The following ESCO1 variants were observed in gnomAD, a reference collection of about 807,000 sequenced individuals.
The protein encoded by ESCO1 is N-acetyltransferase ESCO1.
Under a neutral mutation model 83.5 loss-of-function variants are expected in ESCO1, and 33 were observed. The ratio of observed to expected loss-of-function variants is 0.40; its 90% CI spans 0.30 to 0.53. The LOEUF (loss-of-function observed/expected upper bound fraction) is 0.53. Ranked by LOEUF, ESCO1 falls within the 20% of genes least tolerant of loss-of-function variation. ESCO1 has a pLI of 0.63. For synonymous variants in ESCO1, 332 were observed against 324.3 expected (o/e 1.02, Z -0.25); for missense variants, 855 against 968.0 (o/e 0.88, Z 1.55).
intron 6 of ESCO1, among the ~76,000 whole-genome samples, chr18:21,564,995 G>C (rs2038239978): frequency 6.6e-6 from 1 of 152,154 alleles, no homozygotes; most frequent in Non-Finnish European, 1.5e-5. Flanking sequence ...AGAATTGCTT[G>C]AACCTGGGAG....
At chr18:21,547,513 T>TA (rs2037989591) in intron 8 of ESCO1, among the ~76,000 whole-genome samples, 1 of 152,172 alleles carries the variant, frequency 6.6e-6, no homozygotes, top group African/African-American at 2.4e-5. Flanking sequence ...AGGAGAAACA[T>TA]ATAGTATACA....
At position 21,573,494 on chromosome 18, in the gene ESCO1, G is replaced by T; in HGVS notation, c.1350C>A (p.Cys450Ter). The T allele has an allele frequency of 6.2e-7, 1 of 1,611,196 alleles. No individual in the cohort carries two copies. Among genetic ancestry groups the T allele is most frequent in the Non-Finnish European group, 8.5e-7 (1 of 1,179,354 alleles). The change falls in exon 4 of 12, where the codon TGC (cysteine) becomes TGA (stop). Residue 450 changes from cysteine (C) to a stop codon, truncating the protein, a stop_gained. Coordinates refer to ENST00000269214, the MANE Select transcript of ESCO1 (RefSeq NM_052911.3). LOFTEE classifies it high-confidence loss of function. ...GTKLHDRNIT[C>*]QQEKMKEINS... is the part of the protein sequence containing the mutation. ...TAATTTCTTTCATTTTTTCCTGCTGGCAAGTTATATTTCTATCATGTAGCT... is the reference window on the plus strand; with the variant it reads ...TAATTTCTTTCATTTTTTCCTGCTGTCAAGTTATATTTCTATCATGTAGCT...
At chr18:21,560,094 C>T (rs1435636442) in intron 8 of ESCO1, among the ~76,000 whole-genome samples, 1 of 151,830 alleles carries the variant, frequency 6.6e-6, no homozygotes, top group East Asian at 1.9e-4. Flanking sequence ...GTCTTATTAA[C>T]GTGAGTGTAC....
chr18:21,533,484 T>G (rs372402026), intron 10 of ESCO1, among the ~76,000 whole-genome samples: 2 of 152,134 alleles, frequency 1.3e-5, no homozygotes, highest in East Asian at 1.9e-4. Flanking sequence ...TTAGTAGAGA[T>G]GGGGTTTCAA....
intron 6 of ESCO1, among the ~76,000 whole-genome samples, 196 bp downstream of exon 6, chr18:21,565,950 G>T (rs972574769): frequency 4.6e-5 from 7 of 151,986 alleles, no homozygotes; most frequent in East Asian, 1.9e-4. Context: ...AATAAATAAA[G>T]AAATAAAGAA....
At chr18:21,592,162 G>A (rs1350093975) in intron 1 of ESCO1, among the ~76,000 whole-genome samples, 2 of 148,288 alleles carry the variant, frequency 1.3e-5, no homozygotes, top group Admixed American at 1.3e-4. Context: ...TGTCATCATG[G>A]CCCGTTCTCA....
rs377523407 is a variant in ESCO1 at position 21,577,920 on chromosome 18, T to C, written c.-693-2143A>G. Among the ~76,000 whole-genome samples, 20 of 152,324 alleles carry C rather than the reference T, an allele frequency of 1.3e-4. No homozygotes were observed. In the East Asian group the frequency reaches 2.3e-3, roughly 18 times the overall value. On this transcript the variant is annotated intron_variant, in intron 2 of 11. Coordinates refer to ENST00000269214, the MANE Select transcript of ESCO1 (RefSeq NM_052911.3). ...TCCTAGAGGATAGCAGCCAAGCCTA[T>C]ACCTTCTACTAAGGAAGTGGAAAGA...
chr18:21,544,635 A>C (rs1013533151), intron 8 of ESCO1, among the ~76,000 whole-genome samples: 2 of 152,072 alleles, frequency 1.3e-5, no homozygotes, highest in Admixed American at 1.3e-4. Context: ...ATCTCAAAAA[A>C]AAAAAAAAGA....
At chr18:21,572,861 G>A (rs2038358768) in intron 4 of ESCO1, among the ~76,000 whole-genome samples, 1 of 152,048 alleles carries the variant, frequency 6.6e-6, no homozygotes, top group Non-Finnish European at 1.5e-5. Context: ...CTACTCGGGA[G>A]GCTGAGGCTA....
intron 2 of ESCO1, among the ~76,000 whole-genome samples, chr18:21,583,670 A>G (rs745484348): frequency 7.9e-5 from 12 of 152,056 alleles, no homozygotes; most frequent in Non-Finnish European, 1.5e-4. Context: ...AAGACATTCT[A>G]GAGAAAGCAA....
chr18:21,562,354 T>C (rs1330447725), intron 7 of ESCO1, among the ~76,000 whole-genome samples: 1 of 151,026 alleles, frequency 6.6e-6, no homozygotes, highest in East Asian at 2.0e-4. Flanking sequence ...TGCGTGCCTG[T>C]AAACCCAGCT....
intron 5 of ESCO1, among the ~76,000 whole-genome samples, chr18:21,567,224 G>A (rs1482767913): frequency 6.6e-6 from 1 of 152,096 alleles, no homozygotes. Context: ...ATGCAGTGGT[G>A]CAATCTTGGC....
intron 1 of ESCO1, among the ~76,000 whole-genome samples, chr18:21,594,224 T>C (rs1486842288): frequency 1.3e-5 from 2 of 152,258 alleles, no homozygotes; most frequent in African/African-American, 4.8e-5. Context: ...TACCTGCTGC[T>C]TGAGGAATTA....
intron 8 of ESCO1, among the ~76,000 whole-genome samples, chr18:21,560,006 T>C (rs1019076094): frequency 1.3e-5 from 2 of 152,044 alleles, no homozygotes; most frequent in African/African-American, 4.8e-5. Flanking sequence ...ATAAAGACCT[T>C]TAAATAATCT....
Position 21,573,537 on chromosome 18 carries a change from C to A in ESCO1, c.1307G>T (p.Ser436Ile). 1 of 1,613,938 alleles carries A rather than the reference C, an allele frequency of 6.2e-7. No individual in the cohort carries two copies. The change falls in exon 4 of 12, where the codon AGT becomes ATT. Residue 436 changes from serine to isoleucine, a missense_variant. Ser to Ile is a moderately radical substitution (Grantham distance 142). Transcript: ENST00000269214. ...ALEMHHPVTQ[S>I]TFLGTKLHDR... is the part of the protein sequence containing the mutation. Reference sequence around the variant, plus strand: ...ATGTAGCTTTGTCCCTAAAAACGTACTTTGAGTCACTGGATGATGCATTTC... The same window carrying A: ...ATGTAGCTTTGTCCCTAAAAACGTAATTTGAGTCACTGGATGATGCATTTC...
intron 9 of ESCO1, among the ~76,000 whole-genome samples, chr18:21,539,398 T>A (rs2037875441): frequency 6.6e-6 from 1 of 152,210 alleles, no homozygotes. Flanking sequence ...TTAGTAATAA[T>A]ACTGGACAGT....
chr18:21,546,849 T>C (rs567725686), intron 8 of ESCO1, among the ~76,000 whole-genome samples: 5 of 152,214 alleles, frequency 3.3e-5, no homozygotes, highest in Admixed American at 6.5e-5. Context: ...GCCTGGCTGG[T>C]TTAGGTTTTT....
chr18:21,582,275 G>C (rs1245277985), intron 2 of ESCO1, among the ~76,000 whole-genome samples: 1 of 150,916 alleles, frequency 6.6e-6, no homozygotes, highest in East Asian at 1.9e-4. Context: ...TGTTGTCCAA[G>C]CTGGAGTGCA....
intron 2 of ESCO1, among the ~76,000 whole-genome samples, chr18:21,577,158 T>C (rs539361933): frequency 6.6e-6 from 1 of 150,662 alleles, no homozygotes; most frequent in South Asian, 2.1e-4. Flanking sequence ...AGCTCAAGAC[T>C]AGCCTGGCCA....
Sources: allele counts gnomAD v4.1 joint callset (sites outside exome capture counted in the v4.1 genomes callset), GRCh38; gene constraint gnomAD v4.1.1; transcripts MANE v1.5; gene names NCBI Gene and HGNC (gene_info 2026-07-23, HGNC 2026-07-21).